Variants in CACNB4 observed in about 807,000 individuals in gnomAD.
CACNB4 encodes voltage-dependent L-type calcium channel subunit beta-4.
In CACNB4, 32 loss-of-function variants were observed where a neutral mutation model predicts 71.2. The observed-to-expected ratio is 0.45, with a 90% CI of 0.34 to 0.60. The LOEUF (loss-of-function observed/expected upper bound fraction) is 0.60. CACNB4 is among the 20% of genes least tolerant of loss of function. The pLI, the probability that CACNB4 is intolerant of heterozygous loss-of-function variation, is 0.01. For synonymous variants in CACNB4, 231 were observed against 236.9 expected, an observed-to-expected ratio of 0.97 and a Z score of 0.23; for missense variants, 464 against 647.9, an observed-to-expected ratio of 0.72 and a Z score of 3.08.
intron 2 of CACNB4, among the ~76,000 whole-genome samples, chr2:151,952,149 A>G (rs2099867060): frequency 6.6e-6 from 1 of 152,200 alleles, no homozygotes. Context: ...TTTAATAACT[A>G]CTGTGATACA....
intron 3 of CACNB4, 131 bp from the exon 4 acceptor site, chr2:151,881,053 C>A (rs1302862478): frequency 6.8e-6 from 6 of 887,716 alleles, no homozygotes; most frequent in Non-Finnish European, 1.0e-5. Context: ...GTTTTACATT[C>A]TCAAGCAATA....
rs568986690 is a variant in CACNB4 at position 151,883,429 on chromosome 2, A to G, written c.148-59T>C. 7.8e-4 allele frequency: 1,232 copies of G among 1,574,286 alleles called. 18 individuals are homozygous for G. In the South Asian group the frequency reaches 0.013, roughly 16 times the overall value. On this transcript the variant is annotated intron_variant, in intron 2 of 13. Coordinates refer to ENST00000539935, the MANE Select transcript of CACNB4 (RefSeq NM_000726.5). The stretch of plus-strand genomic sequence containing the variant: ...TGTAGCTTCTTAAATTGTCACATCC[A>G]TAACAGTATCCTGGGGCGAGTTCTT...
rs184401710 is a variant in CACNB4, at chr2:152,013,571, G to A, written c.147+84759C>T. Among the ~76,000 whole-genome samples, 5 of 152,194 alleles carry A rather than the reference G, an allele frequency of 3.3e-5. No individual in the cohort carries two copies. The East Asian group carries it at 9.7e-4, about 29-fold the overall frequency. On this transcript the variant is annotated intron_variant, in intron 2 of 13. Coordinates refer to ENST00000539935, the MANE Select transcript of CACNB4 (RefSeq NM_000726.5). ...ATCCTGGGGTTCACATAGCAGAGAG[G>A]CTCTGCAGAGGGGATACGCAGGGGG... is the stretch of plus-strand genomic sequence containing the variant.
At chr2:152,011,253 T>C (rs1315976151) in intron 2 of CACNB4, among the ~76,000 whole-genome samples, 1 of 152,196 alleles carries the variant, frequency 6.6e-6, no homozygotes, top group Non-Finnish European at 1.5e-5. Flanking sequence ...CTCAGTTATC[T>C]GGTATAGAAC....
At position 151,952,832 on chromosome 2, in the gene CACNB4, C is replaced by T. The variant is rs1578949283; in HGVS notation, c.148-69462G>A. 2.6e-5 allele frequency among the ~76,000 whole-genome samples: 4 copies of T among 152,296 alleles called. 1 individual carries two copies. The highest frequency in any genetic ancestry group is 2.6e-4 in the Admixed American group (4 of 15,300). On this transcript the variant is annotated intron_variant, in intron 2 of 13. Transcript: ENST00000539935. ...CACCGTTACTCAAAAACATTTGAAA[C>T]ACTTATATTCCTGGGAAGAGGGGTG...
intron 4 of CACNB4, 57 bp downstream of exon 4, chr2:151,880,743 T>C: frequency 6.3e-7 from 1 of 1,579,168 alleles, no homozygotes; most frequent in Non-Finnish European, 8.6e-7. Flanking sequence ...GGCTCAGAGC[T>C]GATTCCTGGC....
chr2:151,924,587 T>C (rs1281290152), intron 2 of CACNB4, among the ~76,000 whole-genome samples: 1 of 151,920 alleles, frequency 6.6e-6, no homozygotes, highest in Non-Finnish European at 1.5e-5. Flanking sequence ...ATGTATATAT[T>C]ACACCACCAC....
At chr2:151,996,494 A>AG (rs1682053305) in intron 2 of CACNB4, among the ~76,000 whole-genome samples, 1 of 151,960 alleles carries the variant, frequency 6.6e-6, no homozygotes, top group African/African-American at 2.4e-5. Flanking sequence ...AAAAAAAAAA[A>AG]AAGAATAGAG....
At chr2:151,988,667 G>A (rs985629542) in intron 2 of CACNB4, among the ~76,000 whole-genome samples, 4 of 152,136 alleles carry the variant, frequency 2.6e-5, no homozygotes, top group Non-Finnish European at 5.9e-5. Context: ...GTTTGCAGAA[G>A]GCCACCTCCC....
chr2:151,926,468 A>C (rs1213552261), intron 2 of CACNB4, among the ~76,000 whole-genome samples: 1 of 152,230 alleles, frequency 6.6e-6, no homozygotes, highest in Non-Finnish European at 1.5e-5. Context: ...GGCAGGGAAT[A>C]GAAAAACTCT....
At chr2:152,053,254 G>T (rs567223298) in intron 2 of CACNB4, among the ~76,000 whole-genome samples, 19 of 152,226 alleles carry the variant, frequency 1.2e-4, no homozygotes, top group African/African-American at 4.1e-4. Context: ...GGAAGGGAGC[G>T]GGAGCTGTAA....
intron 2 of CACNB4, among the ~76,000 whole-genome samples, chr2:152,080,585 G>C (rs868431271): frequency 1.3e-5 from 2 of 152,256 alleles, no homozygotes; most frequent in African/African-American, 4.8e-5. Flanking sequence ...GTAGTTTCTA[G>C]AAAGTTCAGA....
chr2:152,008,855 A>G (rs1018795255), intron 2 of CACNB4, among the ~76,000 whole-genome samples: 4 of 152,190 alleles, frequency 2.6e-5, no homozygotes, highest in African/African-American at 9.7e-5. Flanking sequence ...CTGCATTTTA[A>G]CAAGATCTCC....
chr2:151,893,336 G>A (rs1428134257), intron 2 of CACNB4, among the ~76,000 whole-genome samples: 1 of 152,114 alleles, frequency 6.6e-6, no homozygotes, highest in African/African-American at 2.4e-5. Flanking sequence ...CTGCCTCCCA[G>A]GCTCAAGCAA....
intron 2 of CACNB4, among the ~76,000 whole-genome samples, chr2:152,068,185 G>A (rs1199405961): frequency 6.6e-6 from 1 of 152,180 alleles, no homozygotes; most frequent in African/African-American, 2.4e-5. Flanking sequence ...CATCTGGGCA[G>A]ACATCTGAGA....
At chr2:152,097,170 T>G (rs1688319441) in intron 2 of CACNB4, among the ~76,000 whole-genome samples, 1 of 152,192 alleles carries the variant, frequency 6.6e-6, no homozygotes, top group South Asian at 2.1e-4. Context: ...CTGCAGAAAG[T>G]GAAATTCTGC....
At chr2:152,093,191 T>C (rs944415774) in intron 2 of CACNB4, among the ~76,000 whole-genome samples, 3 of 152,220 alleles carry the variant, frequency 2.0e-5, no homozygotes, top group African/African-American at 7.2e-5. Context: ...AGTAGATAAT[T>C]TTTATTAGAT....
rs896461537 is a variant in CACNB4, at chr2:151,983,681, A to T, written c.148-100311T>A. Among the ~76,000 whole-genome samples the T allele has an allele frequency of 1.0e-3, 132 of 132,514 alleles. 1 individual carries two copies. Among genetic ancestry groups the T allele is most frequent in the Non-Finnish European group, 1.2e-3 (84 of 67,256 alleles). 86.9% of individuals were successfully genotyped at this position (132,514 alleles called of 152,430 possible). A position where few individuals can be genotyped will look rare whatever the true frequency, so the allele number is the denominator to read the frequency against. ...AAAAAGCCATAAACTTTGGTCACACACACACACACACACACACACACACAC... is the reference window on the plus strand; with the variant it reads ...AAAAAGCCATAAACTTTGGTCACACTCACACACACACACACACACACACAC... On this transcript the variant is annotated intron_variant, in intron 2 of 13. Coordinates refer to ENST00000539935, the MANE Select transcript of CACNB4 (RefSeq NM_000726.5).
intron 2 of CACNB4, among the ~76,000 whole-genome samples, chr2:151,988,945 C>T (rs991804524): frequency 6.6e-6 from 1 of 152,174 alleles, no homozygotes. Flanking sequence ...CTTCACCAAT[C>T]GCCTCAAGAC....
Sources: gnomAD v4.1 joint callset for allele counts (sites outside exome capture counted in the v4.1 genomes callset) on GRCh38, gnomAD v4.1.1 for gene constraint, MANE v1.5 for transcripts, NCBI Gene and HGNC (gene_info 2026-07-23, HGNC 2026-07-21) for gene names.